Variants in VEGFC observed in about 807,000 individuals in gnomAD.
VEGFC encodes vascular endothelial growth factor C, also known as FLT4 ligand DHM.
In VEGFC, 12 loss-of-function variants were observed where a neutral mutation model predicts 46.1. The observed-to-expected ratio is 0.26, with a 90% CI of 0.17 to 0.42. The LOEUF is 0.42. VEGFC is among the 10% of genes least tolerant of loss of function. VEGFC has a pLI of 1.00. For synonymous variants in VEGFC, 232 were observed against 195.5 expected (o/e 1.19, Z -1.56); for missense variants, 488 against 529.4 (o/e 0.92, Z 0.77).
chr4:176,792,323 C>T lies in VEGFC; in HGVS notation c.-12G>A. ...CCCAGCAAGTGCATGGTGGAAGGAC[C>T]GGGGGTGGGGGACCGGTCCGCTGGC... On this transcript the variant is annotated 5_prime_UTR_variant, in exon 1 of 7. Coordinates refer to ENST00000618562, the MANE Select transcript of VEGFC (RefSeq NM_005429.5). The surrounding 1 kb of genome is among the most constrained non-coding windows in gnomAD (Gnocchi z 6.3). 1 of 1,149,264 alleles carries T rather than the reference C, an allele frequency of 8.7e-7. No homozygotes were observed. The highest frequency in any genetic ancestry group is 1.1e-6 in the Non-Finnish European group (1 of 869,836). 71.2% of individuals were successfully genotyped at this position (1,149,264 alleles called of 1,614,324 possible). A position where few individuals can be genotyped will look rare whatever the true frequency, so the allele number is the denominator to read the frequency against.
intron 1 of VEGFC, among the ~76,000 whole-genome samples, chr4:176,766,965 G>GAA (rs36042722): frequency 4.7e-5 from 7 of 148,850 alleles, no homozygotes; most frequent in Non-Finnish European, 7.4e-5. Context: ...GGAAAAACAA[G>GAA]AAAAAATCAC....
chr4:176,695,482 A>C (rs1734293608), intron 4 of VEGFC, among the ~76,000 whole-genome samples: 1 of 150,952 alleles, frequency 6.6e-6, no homozygotes, highest in African/African-American at 2.4e-5. Flanking sequence ...TTGTGGCAAT[A>C]ATCAATAGCT....
chr4:176,727,034 G>A (rs956188229), intron 3 of VEGFC, among the ~76,000 whole-genome samples: 3 of 152,152 alleles, frequency 2.0e-5, no homozygotes, highest in African/African-American at 7.2e-5. Flanking sequence ...TCTGTTCAGA[G>A]GCCAGAGGTG....
At chr4:176,779,058 T>A (rs1735864015) in intron 1 of VEGFC, among the ~76,000 whole-genome samples, 1 of 152,182 alleles carries the variant, frequency 6.6e-6, no homozygotes, top group South Asian at 2.1e-4. Flanking sequence ...AGTGCTGTAT[T>A]TATGAATATA....
chr4:176,792,142 C>A lies in VEGFC; in HGVS notation c.147+23G>T. The A allele has an allele frequency of 1.4e-6, 2 of 1,454,034 alleles. No homozygotes were observed. Among genetic ancestry groups the A allele is most frequent in the South Asian group, 1.5e-5 (1 of 67,424 alleles). 90.1% of individuals were successfully genotyped at this position (1,454,034 alleles called of 1,614,324 possible). On this transcript the variant is annotated intron_variant, in intron 1 of 6. Coordinates refer to ENST00000618562, the MANE Select transcript of VEGFC (RefSeq NM_005429.5). The surrounding 1 kb of genome is among the most constrained non-coding windows in gnomAD (Gnocchi z 6.3). ...CCCTAACGCAAACTCTCGGGTTCTC[C>A]GCAAACCCTAACGCAGACCTACCGT...
chr4:176,763,055 T>A (rs1337239726), intron 1 of VEGFC, among the ~76,000 whole-genome samples: 2 of 152,182 alleles, frequency 1.3e-5, no homozygotes, highest in Non-Finnish European at 2.9e-5. Context: ...TGGGATATAA[T>A]CAGGAGAAAG....
At chr4:176,693,945 C>A (rs564843700) in intron 4 of VEGFC, among the ~76,000 whole-genome samples, 15,419 of 150,626 alleles carry the variant, frequency 0.1, 2,688 homozygotes, top group African/African-American at 0.36. Context: ...ATTTTGTCAC[C>A]ACCAGGCCTG....
In VEGFC at chr4:176,792,128, ACT is replaced by A; in HGVS notation, c.147+35_147+36del. On this transcript the variant is annotated intron_variant, in intron 1 of 6. Coordinates refer to ENST00000618562, the MANE Select transcript of VEGFC (RefSeq NM_005429.5). This position sits in a 1 kb window ranked among gnomAD's most constrained non-coding sequence, Gnocchi z 6.3. ...GGGTCCGCCGCAGACCCTAACGCAA[ACT>A]CTCGGGTTCTCCGCAAACCCTAACG... 1 of 1,427,382 alleles carries A rather than the reference ACT, an allele frequency of 7.0e-7. No individual in the cohort carries two copies. The highest frequency in any genetic ancestry group is 9.2e-7 in the Non-Finnish European group (1 of 1,087,500). 88.4% of individuals were successfully genotyped at this position (1,427,382 alleles called of 1,614,324 possible).
intron 4 of VEGFC, among the ~76,000 whole-genome samples, chr4:176,701,936 C>A (rs1253890566): frequency 6.6e-6 from 1 of 152,068 alleles, no homozygotes; most frequent in African/African-American, 2.4e-5. Flanking sequence ...TGTTATTAGG[C>A]TATTTTGCTT....
chr4:176,771,675 T>A (rs1347584193), intron 1 of VEGFC, among the ~76,000 whole-genome samples: 1 of 152,180 alleles, frequency 6.6e-6, no homozygotes, highest in African/African-American at 2.4e-5. Flanking sequence ...TGTTATCTGG[T>A]ACCAGTGCTG....
chr4:176,736,734 A>C (rs557629190), intron 1 of VEGFC, among the ~76,000 whole-genome samples: 1 of 151,872 alleles, frequency 6.6e-6, no homozygotes, highest in African/African-American at 2.4e-5. Flanking sequence ...TCTTTAGTAA[A>C]ATTAATTTTG....
At chr4:176,684,686 T>C (rs10001643) in intron 6 of VEGFC, among the ~76,000 whole-genome samples, 150,104 of 152,310 alleles carry the variant, frequency 0.99, 74,011 homozygotes, top group East Asian at 1. Flanking sequence ...GGACAAATTA[T>C]CAATTGGTCA....
chr4:176,744,712 C>G (rs146023775), intron 1 of VEGFC, among the ~76,000 whole-genome samples: 1 of 152,132 alleles, frequency 6.6e-6, no homozygotes, highest in East Asian at 1.9e-4. Context: ...TTAAAAAATA[C>G]ATTATCATCT....
intron 1 of VEGFC, among the ~76,000 whole-genome samples, chr4:176,735,208 A>G (rs931901837): frequency 2.0e-5 from 3 of 151,910 alleles, no homozygotes; most frequent in Non-Finnish European, 4.4e-5. Flanking sequence ...TCTGAAAACC[A>G]GTCTTTCAGG....
intron 4 of VEGFC, among the ~76,000 whole-genome samples, chr4:176,698,053 G>A (rs1579091996): frequency 1.3e-5 from 2 of 151,888 alleles, no homozygotes; most frequent in African/African-American, 2.4e-5. Context: ...GTTAGTGGGT[G>A]CAGCACACCA....
intron 1 of VEGFC, among the ~76,000 whole-genome samples, chr4:176,759,183 A>G (rs1199224657): frequency 2.0e-5 from 3 of 152,200 alleles, no homozygotes; most frequent in Non-Finnish European, 4.4e-5. Flanking sequence ...TAGAAATTAA[A>G]TGTAATAGAC....
rs1054096952 is a variant in VEGFC at position 176,746,743 on chromosome 4, T to C, written c.148-16997A>G. Among the ~76,000 whole-genome samples the C allele has an allele frequency of 4.3e-4, 65 of 152,184 alleles. 2 individuals are homozygous for C. Among genetic ancestry groups the C allele is most frequent in the East Asian group, 3.1e-3 (16 of 5,154 alleles). ...AGTAAAGCAACCAAGAGAAAGTTGATTGCCATATTAAATTCACAATAGCAC... is the reference window on the plus strand; with the variant it reads ...AGTAAAGCAACCAAGAGAAAGTTGACTGCCATATTAAATTCACAATAGCAC... On this transcript the variant is annotated intron_variant, in intron 1 of 6. Coordinates refer to ENST00000618562, the MANE Select transcript of VEGFC (RefSeq NM_005429.5).
At chr4:176,742,449 G>A (rs1405230434) in intron 1 of VEGFC, among the ~76,000 whole-genome samples, 3 of 151,866 alleles carry the variant, frequency 2.0e-5, no homozygotes, top group South Asian at 2.1e-4. Context: ...AGTACCACCC[G>A]CATACCAGTA....
chr4:176,764,765 A>T lies in VEGFC; in HGVS notation c.147+27400T>A, dbSNP rs985262959. On this transcript the variant is annotated intron_variant, in intron 1 of 6. Coordinates refer to ENST00000618562, the MANE Select transcript of VEGFC (RefSeq NM_005429.5). ...CTGCCTTTTGGCTGATTACCAGAGG[A>T]TACACTGAATCCTCTCTAGAAAGGC... 6.6e-5 allele frequency among the ~76,000 whole-genome samples: 10 copies of T among 152,334 alleles called. No individual in the cohort carries two copies. The Middle Eastern group carries it at 0.01, about 155-fold the overall frequency.
Sources: gnomAD v4.1 joint callset for allele counts (sites outside exome capture counted in the v4.1 genomes callset) on GRCh38, gnomAD v4.1.1 for gene constraint, Gnocchi (gnomAD v3.1) non-coding constraint, MANE v1.5 for transcripts, NCBI Gene and HGNC (gene_info 2026-07-23, HGNC 2026-07-21) for gene names.